The following SLIT2 variants were observed in gnomAD, a reference collection of about 807,000 sequenced individuals.
SLIT2 encodes slit guidance ligand 2, also known as slit homolog 2 protein.
Under a neutral mutation model 185.7 loss-of-function variants are expected in SLIT2, and 41 were observed. That is an observed-to-expected ratio of 0.22 (90% confidence interval 0.17 to 0.29). The LOEUF (loss-of-function observed/expected upper bound fraction) is 0.29. SLIT2 is among the 10% of genes least tolerant of loss of function. SLIT2 has a pLI of 1.00. For synonymous variants in SLIT2, 693 were observed against 680.2 expected (o/e 1.02, Z -0.29); for missense variants, 1,571 against 1,909.0 (o/e 0.82, Z 3.30).
At position 20,453,776 on chromosome 4, in the gene SLIT2, G is replaced by A. The variant is rs192530279; in HGVS notation, c.396-13976G>A. On this transcript the variant is annotated intron_variant, in intron 4 of 36. Coordinates refer to ENST00000504154, the MANE Select transcript of SLIT2 (RefSeq NM_004787.4). ...GCTTGGCAAGTCTAGCATCTGTCAG[G>A]CACTTATTCTATGCTGAGCACTTCA... is the stretch of plus-strand genomic sequence containing the variant. 4.7e-4 allele frequency among the ~76,000 whole-genome samples: 71 copies of A among 152,262 alleles called. 2 individuals are homozygous for A. Among genetic ancestry groups the A allele is most frequent in the Admixed American group, 2.4e-3 (36 of 15,288 alleles).
chr4:20,472,564 C>CTA lies in SLIT2; in HGVS notation c.467+4748_467+4749dup, dbSNP rs1553908801. ...TCTATATCTATATATAGATATATAT[C>CTA]TATATATAGATATATCTATATATAG... On this transcript the variant is annotated intron_variant, in intron 5 of 36. Transcript: ENST00000504154. 2.6e-3 allele frequency among the ~76,000 whole-genome samples: 12 copies of CTA among 4,662 alleles called. 2 individuals carry two copies. The highest frequency in any genetic ancestry group is 3.4e-3 in the Non-Finnish European group (11 of 3,232). 3.1% of individuals were successfully genotyped at this position (4,662 alleles called of 152,430 possible).
At chr4:20,324,516 C>T (rs1267752134) in intron 4 of SLIT2, among the ~76,000 whole-genome samples, 1 of 152,094 alleles carries the variant, frequency 6.6e-6, no homozygotes, top group Non-Finnish European at 1.5e-5. Flanking sequence ...CCAAATCATT[C>T]CTGAAAATGG....
At position 20,523,783 on chromosome 4, in the gene SLIT2, A is replaced by G. The variant is rs756174548; in HGVS notation, c.1154A>G (p.Asn385Ser). The change falls in exon 13 of 37, where the codon AAC becomes AGC. Residue 385 changes from asparagine (N) to serine (S), a missense_variant. Coordinates refer to ENST00000504154, the MANE Select transcript of SLIT2 (RefSeq NM_004787.4). Reference protein sequence around the residue: ...QLLLLNANKINCLRVDAFQDL... With the variant: ...QLLLLNANKISCLRVDAFQDL... ...AGATTATTGAATGCCAACAAGATAA[A>G]CTGCCTTCGGGTAGATGCTTTTCAG... 15 of 1,614,052 alleles carry G rather than the reference A, an allele frequency of 9.3e-6. No individual in the cohort carries two copies. Among genetic ancestry groups the G allele is most frequent in the Non-Finnish European group, 1.2e-5 (14 of 1,179,898 alleles).
chr4:20,555,194 G>C (rs1409919529), intron 26 of SLIT2, among the ~76,000 whole-genome samples: 1 of 152,088 alleles, frequency 6.6e-6, no homozygotes, highest in Non-Finnish European at 1.5e-5. Flanking sequence ...CTCAATCCTA[G>C]GTGTTATGGA....
At chr4:20,487,688 G>A (rs955716067) in intron 7 of SLIT2, among the ~76,000 whole-genome samples, 1 of 152,176 alleles carries the variant, frequency 6.6e-6, no homozygotes, top group African/African-American at 2.4e-5. Context: ...TTCCCAAAAT[G>A]TAGCTTTTTG....
chr4:20,585,575 A>G (rs1726986020), intron 29 of SLIT2, among the ~76,000 whole-genome samples: 1 of 152,174 alleles, frequency 6.6e-6, no homozygotes, highest in Non-Finnish European at 1.5e-5. Flanking sequence ...CATTTAACCT[A>G]TATTCAACCA....
chr4:20,423,151 C>G (rs1995982), intron 4 of SLIT2, among the ~76,000 whole-genome samples: 111,919 of 151,838 alleles, frequency 0.74, 41,628 homozygotes, highest in African/African-American at 0.83. Flanking sequence ...AATTTTTAGA[C>G]TACAGCCAAA....
intron 33 of SLIT2, among the ~76,000 whole-genome samples, chr4:20,602,660 C>G (rs1339889707): frequency 6.6e-6 from 1 of 152,164 alleles, no homozygotes; most frequent in African/African-American, 2.4e-5. Flanking sequence ...TCCAGGAGAT[C>G]TTGTACTCCA....
At chr4:20,303,941 G>T (rs994645580) in intron 4 of SLIT2, among the ~76,000 whole-genome samples, 4 of 152,190 alleles carry the variant, frequency 2.6e-5, no homozygotes, top group African/African-American at 9.6e-5. Flanking sequence ...ACTACATGAG[G>T]TGATAACTGA....
At chr4:20,421,342 G>A (rs1051303993) in intron 4 of SLIT2, among the ~76,000 whole-genome samples, 4 of 152,102 alleles carry the variant, frequency 2.6e-5, no homozygotes, top group African/African-American at 7.2e-5. Context: ...GGAACATTTT[G>A]TAGTAACATT....
chr4:20,297,713 A>G (rs1716625010), intron 4 of SLIT2, among the ~76,000 whole-genome samples: 1 of 152,178 alleles, frequency 6.6e-6, no homozygotes, highest in Non-Finnish European at 1.5e-5. Context: ...GTGAGCAAAA[A>G]TGATATATTT....
chr4:20,286,575 A>T (rs538305722), intron 4 of SLIT2, among the ~76,000 whole-genome samples: 1 of 152,216 alleles, frequency 6.6e-6, no homozygotes, highest in East Asian at 1.9e-4. Context: ...GCCGAGGTGG[A>T]TGAACACCTG....
At chr4:20,607,855 A>G (rs1460253689) in intron 33 of SLIT2, among the ~76,000 whole-genome samples, 1 of 152,144 alleles carries the variant, frequency 6.6e-6, no homozygotes, top group African/African-American at 2.4e-5. Flanking sequence ...AACTACTTGG[A>G]AAGCTGTGTA....
chr4:20,518,094 T>TAC (rs1342910411), intron 11 of SLIT2, among the ~76,000 whole-genome samples: 2 of 134,210 alleles, frequency 1.5e-5, no homozygotes, highest in Non-Finnish European at 3.3e-5. Context: ...TATATATATA[T>TAC]ACACACACAT....
At chr4:20,478,850 ATTAAC>A (rs1050094903) in intron 5 of SLIT2, among the ~76,000 whole-genome samples, 3 of 152,228 alleles carry the variant, frequency 2.0e-5, no homozygotes, top group African/African-American at 7.2e-5. Flanking sequence ...AAAAAAGGCT[ATTAAC>A]TTAATTGTTA....
At chr4:20,397,469 A>C (rs949006741) in intron 4 of SLIT2, among the ~76,000 whole-genome samples, 1 of 151,782 alleles carries the variant, frequency 6.6e-6, no homozygotes, top group African/African-American at 2.4e-5. Flanking sequence ...TTTGTTCTGC[A>C]TAAGAAACTG....
chr4:20,614,513 C>T (rs1339509916), intron 34 of SLIT2, among the ~76,000 whole-genome samples: 1 of 152,050 alleles, frequency 6.6e-6, no homozygotes, highest in Non-Finnish European at 1.5e-5. Flanking sequence ...CGTGGTGGCT[C>T]ATACCTGTAA....
chr4:20,476,986 T>C (rs989692779), intron 5 of SLIT2, among the ~76,000 whole-genome samples: 1 of 152,040 alleles, frequency 6.6e-6, no homozygotes, highest in Non-Finnish European at 1.5e-5. Context: ...TTAAAGAGAA[T>C]CAGATGAGCT....
Position 20,372,749 on chromosome 4 carries a change from A to T in SLIT2, c.396-95003A>T, listed in dbSNP as rs541103975. On this transcript the variant is annotated intron_variant, in intron 4 of 36. Transcript: ENST00000504154. ...ACTTTTAAGCCCACTCACAGCTTCA[A>T]GCATCATGATAACAAAATTGAAAGC... Among the ~76,000 whole-genome samples the T allele has an allele frequency of 5.7e-4, 86 of 152,198 alleles. No individual in the cohort carries two copies. The South Asian group carries it at 0.014, about 25-fold the overall frequency.
Sources: gnomAD v4.1 joint callset for allele counts (sites outside exome capture counted in the v4.1 genomes callset) on GRCh38, gnomAD v4.1.1 for gene constraint, MANE v1.5 for transcripts, NCBI Gene and HGNC (gene_info 2026-07-23, HGNC 2026-07-21) for gene names.